Variants in DUSP5 observed in about 807,000 individuals in gnomAD.
DUSP5 encodes the protein dual specificity phosphatase 5, also known as dual specificity protein phosphatase 5.
Under a neutral mutation model 33.6 loss-of-function variants are expected in DUSP5, and 22 were observed. The observed-to-expected ratio is 0.66, with a 90% CI of 0.47 to 0.94. The LOEUF (loss-of-function observed/expected upper bound fraction) is 0.94. DUSP5 is among the 40% of genes least tolerant of loss of function. The pLI, the probability that DUSP5 is intolerant of heterozygous loss-of-function variation, is 0.00. For missense variants in DUSP5, 551 were observed against 522.1 expected (o/e 1.06, Z -0.54); for synonymous variants, 270 against 231.1 (o/e 1.17, Z -1.53).
rs1860181332 is a variant in DUSP5 at position 110,510,692 on chromosome 10, C to G, written c.*266C>G. The G allele has an allele frequency of 2.5e-6, 1 of 407,642 alleles. No homozygotes were observed. Among genetic ancestry groups the G allele is most frequent in the South Asian group, 7.5e-5 (1 of 13,324 alleles). The allele number at this position is 407,642 out of a possible 1,614,324, so 25.3% of individuals were successfully genotyped here. A position where few individuals can be genotyped will look rare whatever the true frequency, so the allele number is the denominator to read the frequency against. Reference sequence around the variant, plus strand: ...AGACCCCTGCCCTCTTGGGACTGCCCAGTCCTTGCACCTCAGAGTTCGCCT... The same window carrying G: ...AGACCCCTGCCCTCTTGGGACTGCCGAGTCCTTGCACCTCAGAGTTCGCCT... On this transcript the variant is annotated 3_prime_UTR_variant, in exon 4 of 4. Coordinates refer to ENST00000369583, the MANE Select transcript of DUSP5 (RefSeq NM_004419.4).
chr10:110,503,416 T>G (rs544427918), intron 2 of DUSP5: 2 of 152,318 alleles, frequency 1.3e-5, no homozygotes. Flanking sequence ...GGGGTTCTTA[T>G]GCTTACAATT....
intron 1 of DUSP5, among the ~76,000 whole-genome samples, chr10:110,502,301 G>C (rs1860062365): frequency 6.6e-6 from 1 of 152,154 alleles, no homozygotes; most frequent in African/African-American, 2.4e-5. Flanking sequence ...AGAGCAGATG[G>C]GCTGGGGAAG....
chr10:110,505,944 G>A (rs895876093), intron 2 of DUSP5, among the ~76,000 whole-genome samples: 9 of 152,184 alleles, frequency 5.9e-5, no homozygotes, highest in South Asian at 2.1e-4. Context: ...ACAAACCCCC[G>A]TGTGAAGAAG....
Position 110,510,398 on chromosome 10 carries a change from G to T in DUSP5, c.1127G>T (p.Ser376Ile). 1.2e-6 allele frequency: 2 copies of T among 1,603,592 alleles called. No homozygotes were observed. The highest frequency in any genetic ancestry group is 1.7e-6 in the Non-Finnish European group (2 of 1,173,600). Reference sequence around the variant, plus strand: ...TCAACAGTCTCAGAGCTCAGCAGAAGCCCTGTGGCAACGGCCACATCCTGC... The same window carrying T: ...TCAACAGTCTCAGAGCTCAGCAGAATCCCTGTGGCAACGGCCACATCCTGC... The part of the protein sequence containing the change: ...THSTVSELSR[S>I]PVATATSC The change falls in exon 4 of 4, where the codon AGC becomes ATC. Residue 376 changes from serine (S) to isoleucine (I), a missense_variant. Around this residue, in one of 3 missense-constraint regions of DUSP5, gnomAD observed 158 missense variants for 181.8 expected, o/e 0.87. Transcript: ENST00000369583.
chr10:110,510,668 G>A lies in DUSP5; in HGVS notation c.*242G>A. 3 of 503,492 alleles carry A rather than the reference G, an allele frequency of 6.0e-6. No individual in the cohort carries two copies. The highest frequency in any genetic ancestry group is 7.4e-5 in the Admixed American group (2 of 27,044). The allele number at this position is 503,492 out of a possible 1,614,324, so 31.2% of individuals were successfully genotyped here. On this transcript the variant is annotated 3_prime_UTR_variant, in exon 4 of 4. Transcript: ENST00000369583. The stretch of plus-strand genomic sequence containing the variant: ...GCATGTGCTGACTACTGTACTTCCA[G>A]ACCCCTGCCCTCTTGGGACTGCCCA...
chr10:110,500,530 G>T (rs564473835), intron 1 of DUSP5, among the ~76,000 whole-genome samples: 1 of 152,272 alleles, frequency 6.6e-6, no homozygotes, highest in Admixed American at 6.5e-5. Context: ...TAATCTGGTG[G>T]CATCTCAGAT....
chr10:110,510,230 C>G lies in DUSP5; in HGVS notation c.959C>G (p.Ser320Cys). Reference sequence around the variant, plus strand: ...CAGTACGAATCTGAGATCCTGCCCTCCACGCCCAACCCCCAGCCTCCCTCC... The same window carrying G: ...CAGTACGAATCTGAGATCCTGCCCTGCACGCCCAACCCCCAGCCTCCCTCC... ...LLQYESEILP[S>C]TPNPQPPSCQ... The change falls in exon 4 of 4, where the codon TCC becomes TGC. Residue 320 changes from serine (S) to cysteine (C), a missense_variant. This residue lies in a region of DUSP5 where 158 missense variants were observed against 181.8 expected (regional missense o/e 0.87). Transcript: ENST00000369583. 6.2e-7 allele frequency: 1 copy of G among 1,614,202 alleles called. No individual in the cohort carries two copies. The highest frequency in any genetic ancestry group is 1.1e-5 in the South Asian group (1 of 91,090).
chr10:110,506,931 C>G lies in DUSP5; in HGVS notation c.529-4C>G. The stretch of plus-strand genomic sequence containing the variant: ...TCCTGATTGTCCTTTGTCCCTGCAT[C>G]CAGGGTGGCCCAGTTGAAATCCTTC... On this transcript the variant is annotated splice_polypyrimidine_tract_variant and splice_region_variant and intron_variant, in intron 2 of 3. Coordinates refer to ENST00000369583, the MANE Select transcript of DUSP5 (RefSeq NM_004419.4). 6.2e-7 allele frequency: 1 copy of G among 1,613,900 alleles called. No homozygotes were observed. Among genetic ancestry groups the G allele is most frequent in the Non-Finnish European group, 8.5e-7 (1 of 1,179,786 alleles).
At chr10:110,499,358 G>C (rs548773142) in intron 1 of DUSP5, among the ~76,000 whole-genome samples, 1 of 152,302 alleles carries the variant, frequency 6.6e-6, no homozygotes, top group African/African-American at 2.4e-5. Context: ...TTTTTTCTGG[G>C]TTACTTCCTA....
chr10:110,507,556 A>G (rs1255439737), intron 3 of DUSP5, among the ~76,000 whole-genome samples: 1 of 152,176 alleles, frequency 6.6e-6, no homozygotes, highest in Non-Finnish European at 1.5e-5. Flanking sequence ...AGAGAGCACT[A>G]CTTACGCACT....
intron 1 of DUSP5, among the ~76,000 whole-genome samples, chr10:110,502,059 A>C (rs1860057850): frequency 6.6e-6 from 1 of 152,144 alleles, no homozygotes; most frequent in African/African-American, 2.4e-5. Context: ...GTTTTTGCTC[A>C]TGAGGGCTGA....
chr10:110,509,030 G>A (rs184921763), intron 3 of DUSP5, among the ~76,000 whole-genome samples: 106 of 152,296 alleles, frequency 7.0e-4, no homozygotes, highest in Admixed American at 6.2e-3. Context: ...ATGTTTTTGC[G>A]TATTGTAGCC....
rs1417526767 is a variant in DUSP5 at position 110,507,027 on chromosome 10, C to T, written c.621C>T (p.Ala207=). The change falls in exon 3 of 4, where the codon GCC becomes GCT. Residue 207 remains alanine, a synonymous_variant. Transcript: ENST00000369583. ...TCCTCGCCAACCTGCACATCACAGCCCTGCTGAATGTCTCCCGACGGACCT... is the reference window on the plus strand; with the variant it reads ...TCCTCGCCAACCTGCACATCACAGCTCTGCTGAATGTCTCCCGACGGACCT... ...CEFLANLHIT[A]LLNVSRRTSE... The T allele has an allele frequency of 1.2e-6, 2 of 1,614,160 alleles. No homozygotes were observed. Among genetic ancestry groups the T allele is most frequent in the Admixed American group, 1.7e-5 (1 of 60,012 alleles).
chr10:110,506,932 CAG>C lies in DUSP5; in HGVS notation c.529-2_529-1del. 1 of 1,614,054 alleles carries C rather than the reference CAG, an allele frequency of 6.2e-7. No homozygotes were observed. Among genetic ancestry groups the C allele is most frequent in the Non-Finnish European group, 8.5e-7 (1 of 1,179,888 alleles). On this transcript the variant is annotated splice_acceptor_variant, in intron 2 of 3. Coordinates refer to ENST00000369583, the MANE Select transcript of DUSP5 (RefSeq NM_004419.4). LOFTEE classifies it high-confidence loss of function. The stretch of plus-strand genomic sequence containing the variant: ...CCTGATTGTCCTTTGTCCCTGCATC[CAG>C]GGTGGCCCAGTTGAAATCCTTCCCT...
rs1859977529 is a variant in DUSP5, at chr10:110,498,034, G to T, written c.-88G>T. 2.0e-6 allele frequency: 2 copies of T among 1,023,744 alleles called. No individual in the cohort carries two copies. The highest frequency in any genetic ancestry group is 3.5e-5 in the African/African-American group (2 of 57,548). 63.4% of individuals were successfully genotyped at this position (1,023,744 alleles called of 1,614,324 possible). On this transcript the variant is annotated 5_prime_UTR_variant, in exon 1 of 4. Coordinates refer to ENST00000369583, the MANE Select transcript of DUSP5 (RefSeq NM_004419.4). ...CCCGCGGGTCGCCCTCCCGTGCCTC[G>T]CCCGCGGACACCCTGGCCGTGGACA...
intron 1 of DUSP5, among the ~76,000 whole-genome samples, 188 bp downstream of exon 1, chr10:110,498,688 C>G (rs2134654800): frequency 6.6e-6 from 1 of 152,330 alleles, no homozygotes; most frequent in East Asian, 1.9e-4. Context: ...CTCTTCCCCA[C>G]CCGCGTTCCT....
chr10:110,498,203 T>G lies in DUSP5; in HGVS notation c.82T>G (p.Cys28Gly). Reference protein sequence around the residue: ...EAAARCVVLDCRPYLAFAASN... With the variant: ...EAAARCVVLDGRPYLAFAASN... ...GGCGGCGCGCTGCGTGGTGCTCGAC[T>G]GCCGGCCCTATCTGGCCTTCGCTGC... The change falls in exon 1 of 4, where the codon TGC becomes GGC. Residue 28 changes from cysteine (C) to glycine (G), a missense_variant. Cys to Gly is a radical substitution (Grantham distance 159). This residue lies in a region of DUSP5 where 381 missense variants were observed against 310.4 expected (regional missense o/e 1.23). Transcript: ENST00000369583. The G allele has an allele frequency of 6.6e-7, 1 of 1,507,856 alleles. No homozygotes were observed. The highest frequency in any genetic ancestry group is 8.9e-7 in the Non-Finnish European group (1 of 1,127,928). 93.4% of individuals were successfully genotyped at this position (1,507,856 alleles called of 1,614,324 possible).
Position 110,498,082 on chromosome 10 carries a change from G to GGCGCGCGGC in DUSP5, c.-36_-28dup, listed in dbSNP as rs1859978985. ...ACACCCTGGCCGTGGGCACCCGCGGGGCGCGCGGCGCGGGGCCGCTGGCCG... is the reference window on the plus strand; with the variant it reads ...ACACCCTGGCCGTGGGCACCCGCGGGGCGCGCGGCGCGCGCGGCGCGGGGCCGCTGGCCG... On this transcript the variant is annotated 5_prime_UTR_variant, in exon 1 of 4. Transcript: ENST00000369583. 3.4e-6 allele frequency: 4 copies of GGCGCGCGGC among 1,161,232 alleles called. No homozygotes were observed. The highest frequency in any genetic ancestry group is 1.6e-5 in the African/African-American group (1 of 60,628). The allele number at this position is 1,161,232 out of a possible 1,614,324, so 71.9% of individuals were successfully genotyped here.
chr10:110,509,988 A>G, intron 3 of DUSP5, 32 bp from the exon 4 acceptor site: 12 of 1,550,440 alleles, frequency 7.7e-6, no homozygotes, highest in Non-Finnish European at 1.0e-5. Flanking sequence ...TTCTAATCCC[A>G]ACTCACTCCC....
Sources: gnomAD v4.1 joint callset for allele counts (sites outside exome capture counted in the v4.1 genomes callset) on GRCh38, gnomAD v4.1.1 for gene constraint, gnomAD v4.1.1 regional missense constraint, MANE v1.5 for transcripts, NCBI Gene and HGNC (gene_info 2026-07-23, HGNC 2026-07-21) for gene names.